The following EVI5 variants were observed in gnomAD, a reference collection of about 807,000 sequenced individuals.
The protein encoded by EVI5 is ecotropic viral integration site 5, also known as ecotropic viral integration site 5 protein homolog.
Under a neutral mutation model 112.0 loss-of-function variants are expected in EVI5, and 73 were observed. The ratio of observed to expected loss-of-function variants is 0.65; its 90% confidence interval spans 0.54 to 0.79. EVI5 has a LOEUF of 0.79. Ranked by LOEUF, EVI5 falls within the 30% of genes least tolerant of loss-of-function variation. EVI5 has a pLI of 0.00. For missense variants in EVI5, 900 were observed against 968.8 expected, an observed-to-expected ratio of 0.93 and a Z score of 0.94; for synonymous variants, 305 against 319.9, an observed-to-expected ratio of 0.95 and a Z score of 0.50.
chr1:92,654,335 T>C (rs1023689904), intron 13 of EVI5, among the ~76,000 whole-genome samples: 3 of 152,046 alleles, frequency 2.0e-5, no homozygotes, highest in Non-Finnish European at 4.4e-5. Context: ...TGAGATAAGA[T>C]TCTTGAGACT....
At chr1:92,569,852 C>CAAAA (rs1184172805) in intron 18 of EVI5, among the ~76,000 whole-genome samples, 10 of 39,492 alleles carry the variant, frequency 2.5e-4, no homozygotes, top group South Asian at 1.1e-3. Context: ...GACTCCATCT[C>CAAAA]AAAAAAAAAA....
intron 19 of EVI5, among the ~76,000 whole-genome samples, chr1:92,562,032 G>A (rs776820230): frequency 2.6e-5 from 4 of 152,290 alleles, no homozygotes; most frequent in East Asian, 1.9e-4. Context: ...CAATCTATAC[G>A]TAACTTTCTT....
At chr1:92,538,355 C>T (rs1454381627) in intron 19 of EVI5, among the ~76,000 whole-genome samples, 4 of 152,288 alleles carry the variant, frequency 2.6e-5, no homozygotes, top group Middle Eastern at 3.4e-3. Flanking sequence ...CATCAAAGTA[C>T]CATGTAGATT....
chr1:92,544,103 T>C (rs1370230408), intron 19 of EVI5, among the ~76,000 whole-genome samples: 1 of 152,232 alleles, frequency 6.6e-6, no homozygotes, highest in Non-Finnish European at 1.5e-5. Flanking sequence ...ATTCCATTTA[T>C]ATTAAATGTC....
At chr1:92,734,817 T>C (rs1184072884) in intron 2 of EVI5, among the ~76,000 whole-genome samples, 5 of 152,016 alleles carry the variant, frequency 3.3e-5, no homozygotes, top group Admixed American at 6.6e-5. Flanking sequence ...AACATAGTAA[T>C]AAGAAAGCAA....
rs1186794458 is a variant in EVI5, at chr1:92,625,783, T to C, written c.1668+11A>G. ...CTCTTTTAAAAAAGCACACAAAATA[T>C]ATTAATATACCTGCCAGTGTTCCTC... On this transcript the variant is annotated intron_variant, in intron 15 of 19. Transcript: ENST00000684568. The C allele has an allele frequency of 3.1e-6, 5 of 1,606,838 alleles. No individual in the cohort carries two copies. The African/African-American group carries it at 6.7e-5, about 22-fold the overall frequency.
chr1:92,605,548 T>A lies in EVI5; in HGVS notation c.1975-146A>T, dbSNP rs1051181273. 16 of 575,016 alleles carry A rather than the reference T, an allele frequency of 2.8e-5. No homozygotes were observed. In the African/African-American group the frequency reaches 3.0e-4, roughly 11 times the overall value. 35.6% of individuals were successfully genotyped at this position (575,016 alleles called of 1,614,324 possible). A position where few individuals can be genotyped will look rare whatever the true frequency, so the allele number is the denominator to read the frequency against. On this transcript the variant is annotated intron_variant, in intron 17 of 19. Transcript: ENST00000684568. ...ATCCATAATGAAACAATATGCTCAA[T>A]ACATACAACGAAGCAGTGAGATATA...
intron 2 of EVI5, among the ~76,000 whole-genome samples, chr1:92,720,626 A>C (rs1265714731): frequency 6.6e-6 from 1 of 152,224 alleles, no homozygotes; most frequent in Non-Finnish European, 1.5e-5. Context: ...CAAGGACTTC[A>C]TGACTAAAAC....
chr1:92,684,280 G>C (rs1287497011), intron 9 of EVI5, among the ~76,000 whole-genome samples: 1 of 152,156 alleles, frequency 6.6e-6, no homozygotes, highest in African/African-American at 2.4e-5. Context: ...TTTCAACCCA[G>C]AATCTCATAT....
chr1:92,755,959 G>T, intron 1 of EVI5: 1 of 170,980 alleles, frequency 5.8e-6, no homozygotes, highest in South Asian at 1.6e-4. Flanking sequence ...CTGCCATTGT[G>T]AGCGATCACG....
chr1:92,718,158 T>C (rs2102672119), intron 2 of EVI5, among the ~76,000 whole-genome samples: 1 of 152,202 alleles, frequency 6.6e-6, no homozygotes, highest in East Asian at 1.9e-4. Flanking sequence ...AACAAGGATA[T>C]CCACGACTTG....
intron 10 of EVI5, among the ~76,000 whole-genome samples, chr1:92,674,136 G>A (rs745996454): frequency 6.6e-6 from 1 of 152,144 alleles, no homozygotes; most frequent in Non-Finnish European, 1.5e-5. Context: ...GGGAGGGAGT[G>A]TGTGTAAGAA....
chr1:92,528,746 C>T (rs779107677), intron 19 of EVI5, among the ~76,000 whole-genome samples: 6 of 152,066 alleles, frequency 3.9e-5, no homozygotes, highest in African/African-American at 9.7e-5. Flanking sequence ...CCAGGGATCT[C>T]GTTTGTCATG....
At chr1:92,777,338 G>A (rs778335038) in intron 1 of EVI5, among the ~76,000 whole-genome samples, 6 of 152,146 alleles carry the variant, frequency 3.9e-5, no homozygotes, top group Non-Finnish European at 8.8e-5. Flanking sequence ...CAGACCCCTT[G>A]CAGAGATCTA....
chr1:92,528,370 T>C (rs1468354431), intron 19 of EVI5, among the ~76,000 whole-genome samples: 1 of 152,258 alleles, frequency 6.6e-6, no homozygotes, highest in Non-Finnish European at 1.5e-5. Flanking sequence ...CTTATGCCTG[T>C]TGTTACACAG....
intron 1 of EVI5, among the ~76,000 whole-genome samples, chr1:92,760,425 T>C (rs1012552772): frequency 2.6e-5 from 4 of 152,088 alleles, no homozygotes; most frequent in African/African-American, 9.7e-5. Context: ...TAGTATACAC[T>C]AAACAACAAA....
At chr1:92,731,693 T>C (rs997973407) in intron 2 of EVI5, among the ~76,000 whole-genome samples, 6 of 152,128 alleles carry the variant, frequency 3.9e-5, no homozygotes, top group Non-Finnish European at 8.8e-5. Flanking sequence ...AGTATTAAGA[T>C]AGACATGTAG....
At chr1:92,647,423 C>T (rs1331638601) in intron 13 of EVI5, 1 of 324,528 alleles carries the variant, frequency 3.1e-6, no homozygotes, top group African/African-American at 2.1e-5. Flanking sequence ...CAATCCTGCA[C>T]CTTCCAAGCA....
At chr1:92,709,111 T>C (rs767783939) in intron 2 of EVI5, among the ~76,000 whole-genome samples, 5 of 152,144 alleles carry the variant, frequency 3.3e-5, no homozygotes, top group Admixed American at 3.3e-4. Context: ...ATATGGTATA[T>C]GAATATCTGA....
Sources: gnomAD v4.1 joint callset for allele counts (sites outside exome capture counted in the v4.1 genomes callset) on GRCh38, gnomAD v4.1.1 for gene constraint, MANE v1.5 for transcripts, NCBI Gene and HGNC (gene_info 2026-07-23, HGNC 2026-07-21) for gene names.